Variants in MYH11 observed in about 807,000 individuals in gnomAD.
MYH11 encodes the protein myosin heavy chain 11, also known as myosin-11.
In MYH11, 80 loss-of-function variants were observed where a neutral mutation model predicts 246.6. That is an observed-to-expected ratio of 0.32 (90% confidence interval 0.27 to 0.39). The LOEUF (loss-of-function observed/expected upper bound fraction) is 0.39. Ranked by LOEUF, MYH11 falls within the 10% of genes least tolerant of loss-of-function variation. The pLI, the probability that MYH11 is intolerant of heterozygous loss-of-function variation, is 1.00. For missense variants in MYH11, 2,158 were observed against 2,546.8 expected, an observed-to-expected ratio of 0.85 and a Z score of 3.29; for synonymous variants, 1,071 against 1,015.5, an observed-to-expected ratio of 1.05 and a Z score of -1.04.
chr16:15,784,171 C>A, intron 5 of MYH11, among the ~76,000 whole-genome samples: 1 of 152,044 alleles, frequency 6.6e-6, no homozygotes, highest in African/African-American at 2.4e-5. Flanking sequence ...AAGAGACAGA[C>A]ACGCACTGCA....
At chr16:15,846,883 G>A (rs1261026425) in intron 1 of MYH11, among the ~76,000 whole-genome samples, 2 of 152,064 alleles carry the variant, frequency 1.3e-5, no homozygotes, top group Non-Finnish European at 2.9e-5. Flanking sequence ...AAGCTCAGGA[G>A]GTCGGGGATG....
intron 19 of MYH11, among the ~76,000 whole-genome samples, chr16:15,746,760 G>T (rs893168911): frequency 6.6e-6 from 1 of 152,064 alleles, no homozygotes; most frequent in Non-Finnish European, 1.5e-5. Context: ...TCTAGACACC[G>T]TCAAGTCCTC....
chr16:15,782,794 T>G, intron 5 of MYH11: 1 of 377,882 alleles, frequency 2.6e-6, no homozygotes, highest in Non-Finnish European at 5.1e-6. Flanking sequence ...GTCATTTACA[T>G]CATGATGAAT....
At chr16:15,829,184 GA>G (rs34486570) in intron 2 of MYH11, among the ~76,000 whole-genome samples, 15,787 of 124,874 alleles carry the variant, frequency 0.13, 899 homozygotes, top group Middle Eastern at 0.22. Context: ...CTGTCTCAAA[GA>G]AAAAAAAAAA....
rs2042563224 is a variant in MYH11, at chr16:15,789,679, A to C, written c.531-2947T>G. Reference sequence around the variant, plus strand: ...CCCCAATCAATGAACCAAGCCACTCAGTCATTCACACCTAAGTATGAATTA... The same window carrying C: ...CCCCAATCAATGAACCAAGCCACTCCGTCATTCACACCTAAGTATGAATTA... On this transcript the variant is annotated intron_variant, in intron 4 of 40. Transcript: ENST00000300036. 2.6e-5 allele frequency among the ~76,000 whole-genome samples: 4 copies of C among 152,358 alleles called. No homozygotes were observed. The South Asian group carries it at 8.3e-4, about 32-fold the overall frequency.
intron 20 of MYH11, among the ~76,000 whole-genome samples, chr16:15,744,507 A>T (rs2041363644): frequency 7.0e-6 from 1 of 143,484 alleles, no homozygotes; most frequent in South Asian, 2.2e-4. Flanking sequence ...TTTTAAATAA[A>T]AAAAAAAAGA....
intron 4 of MYH11, among the ~76,000 whole-genome samples, chr16:15,797,404 G>T (rs890559865): frequency 6.6e-6 from 1 of 151,798 alleles, no homozygotes; most frequent in Non-Finnish European, 1.5e-5. Context: ...TCCACTCAAC[G>T]GTATTATCTA....
Position 15,759,736 on chromosome 16 carries a change from G to C in MYH11, c.1249-8C>G. On this transcript the variant is annotated splice_region_variant and splice_polypyrimidine_tract_variant and intron_variant, in intron 11 of 40. Coordinates refer to ENST00000300036, the MANE Select transcript of MYH11 (RefSeq NM_002474.3). The stretch of plus-strand genomic sequence containing the variant: ...CTCTACAGCAAAGTCAGCCTGCAGA[G>C]GGCAACCAGGGGAACCCGGTTATTC... 6.2e-7 allele frequency: 1 copy of C among 1,613,834 alleles called. No homozygotes were observed. Among genetic ancestry groups the C allele is most frequent in the Non-Finnish European group, 8.5e-7 (1 of 1,179,912 alleles).
intron 40 of MYH11, among the ~76,000 whole-genome samples, chr16:15,705,854 G>T (rs938984324): frequency 4.0e-5 from 6 of 151,812 alleles, no homozygotes; most frequent in African/African-American, 1.2e-4. Flanking sequence ...GCTGGCGGGT[G>T]CCTGTAGTCC....
At chr16:15,731,948 C>T (rs2040975559) in intron 27 of MYH11, among the ~76,000 whole-genome samples, 1 of 151,960 alleles carries the variant, frequency 6.6e-6, no homozygotes, top group South Asian at 2.1e-4. Flanking sequence ...ACTACCAGGC[C>T]TGGCCAATAT....
At chr16:15,845,298 ATTTTTTT>A (rs11436822) in intron 1 of MYH11, among the ~76,000 whole-genome samples, 4 of 139,970 alleles carry the variant, frequency 2.9e-5, no homozygotes, top group African/African-American at 1.1e-4. Flanking sequence ...TTTTTTCGCG[ATTTTTTT>A]TTTTTTTTTT....
At position 15,750,444 on chromosome 16, in the gene MYH11, T is replaced by C. The variant is rs1415004856; in HGVS notation, c.1865-113A>G. 9.6e-6 allele frequency: 10 copies of C among 1,040,884 alleles called. No homozygotes were observed. Among genetic ancestry groups the C allele is most frequent in the Non-Finnish European group, 1.4e-5 (10 of 700,524 alleles). 64.5% of individuals were successfully genotyped at this position (1,040,884 alleles called of 1,614,324 possible). On this transcript the variant is annotated intron_variant, in intron 15 of 40. Transcript: ENST00000300036. The surrounding 1 kb of genome is among the most constrained non-coding windows in gnomAD (Gnocchi z 4.3). ...CTGCCCACTCCAATCTTTCCTTCCA[T>C]CACCAACGCCTCCTTCGGCAGTCAG...
chr16:15,715,305 C>G, intron 38 of MYH11, 33 bp from the exon 39 acceptor site: 1 of 1,608,534 alleles, frequency 6.2e-7, no homozygotes. Context: ...GTGGTTTCAG[C>G]GGAGGGTGGC....
At chr16:15,811,697 A>C (rs1293319004) in intron 3 of MYH11, among the ~76,000 whole-genome samples, 3 of 152,070 alleles carry the variant, frequency 2.0e-5, no homozygotes, top group Admixed American at 1.3e-4. Context: ...AGAAGGATAC[A>C]GCCGAGTGTG....
At chr16:15,825,486 G>T (rs1304888758) in intron 2 of MYH11, among the ~76,000 whole-genome samples, 1 of 151,976 alleles carries the variant, frequency 6.6e-6, no homozygotes, top group Non-Finnish European at 1.5e-5. Flanking sequence ...GATCCCAGGA[G>T]CTCAAGGTAA....
rs776028677 is a variant in MYH11 at position 15,715,309 on chromosome 16, G to T, written c.5505-37C>A. 5 of 1,605,720 alleles carry T rather than the reference G, an allele frequency of 3.1e-6. No homozygotes were observed. In the African/African-American group the frequency reaches 5.4e-5, roughly 17 times the overall value. On this transcript the variant is annotated intron_variant, in intron 38 of 40. Transcript: ENST00000300036. ...AAGGAAAACAGGTGGTTTCAGCGGA[G>T]GGTGGCACCCCTTGTAGCTGGTGTG... is the stretch of plus-strand genomic sequence containing the variant.
At chr16:15,762,285 T>C (rs527436530) in intron 10 of MYH11, among the ~76,000 whole-genome samples, 18 of 152,310 alleles carry the variant, frequency 1.2e-4, no homozygotes, top group African/African-American at 4.3e-4. Flanking sequence ...TCTTAGTTTA[T>C]AGTTTAAAAC....
At chr16:15,739,906 T>TA in intron 23 of MYH11, 145 bp downstream of exon 23, 1 of 858,850 alleles carries the variant, frequency 1.2e-6, no homozygotes, top group East Asian at 2.7e-5. Flanking sequence ...CACACCTGGC[T>TA]AATCTTTGTA....
At chr16:15,783,093 A>G (rs996061239) in intron 5 of MYH11, 7 of 155,694 alleles carry the variant, frequency 4.5e-5, no homozygotes, top group African/African-American at 1.4e-4. Flanking sequence ...CATTGGGTTA[A>G]AGGAAGCTGA....
Sources: gnomAD v4.1 joint callset for allele counts (sites outside exome capture counted in the v4.1 genomes callset) on GRCh38, gnomAD v4.1.1 for gene constraint, Gnocchi (gnomAD v3.1) non-coding constraint, MANE v1.5 for transcripts, NCBI Gene and HGNC (gene_info 2026-07-23, HGNC 2026-07-21) for gene names.